Variants in FHIT observed in about 807,000 individuals in gnomAD.
The protein encoded by FHIT is fragile histidine triad diadenosine triphosphatase, also known as bis(5'-adenosyl)-triphosphatase.
Under a neutral mutation model 17.9 loss-of-function variants are expected in FHIT, and 19 were observed. The ratio of observed to expected loss-of-function variants is 1.06; its 90% CI spans 0.74 to 1.56. The LOEUF is 1.56. FHIT is among the 40% of genes most tolerant of loss of function. The pLI, the probability that FHIT is intolerant of heterozygous loss-of-function variation, is 0.00. For synonymous variants in FHIT, 81 were observed against 69.7 expected (o/e 1.16, Z -0.81); for missense variants, 248 against 189.2 (o/e 1.31, Z -1.82).
intron 8 of FHIT, among the ~76,000 whole-genome samples, chr3:59,798,897 G>C (rs923909971): frequency 1.7e-4 from 26 of 152,236 alleles, no homozygotes; most frequent in African/African-American, 6.3e-4. Flanking sequence ...AGAGGAAAGA[G>C]TCATCTCAGT....
chr3:59,867,902 G>A (rs1254924825), intron 8 of FHIT, among the ~76,000 whole-genome samples: 1 of 151,954 alleles, frequency 6.6e-6, no homozygotes, highest in Non-Finnish European at 1.5e-5. Context: ...TAGTTGAAGA[G>A]ACTGAGTCCA....
At chr3:59,995,278 C>G (rs932773062) in intron 7 of FHIT, among the ~76,000 whole-genome samples, 9 of 152,078 alleles carry the variant, frequency 5.9e-5, no homozygotes, top group Non-Finnish European at 7.4e-5. Flanking sequence ...CTATCTCCAA[C>G]TTAGCTCTCT....
chr3:60,923,463 C>A (rs1707395856), intron 3 of FHIT, among the ~76,000 whole-genome samples: 1 of 152,132 alleles, frequency 6.6e-6, no homozygotes, highest in Non-Finnish European at 1.5e-5. Flanking sequence ...GTGACCAGAA[C>A]CTTGTAAAGA....
At chr3:60,161,346 G>C (rs1018610524) in intron 5 of FHIT, among the ~76,000 whole-genome samples, 32 of 152,190 alleles carry the variant, frequency 2.1e-4, no homozygotes, top group African/African-American at 7.7e-4. Context: ...CATAGTCATG[G>C]CCAATCCTGA....
chr3:59,962,851 T>G (rs1162743334), intron 7 of FHIT, among the ~76,000 whole-genome samples: 1 of 152,210 alleles, frequency 6.6e-6, no homozygotes, highest in African/African-American at 2.4e-5. Context: ...ATAGAACAAC[T>G]GAATCCATCA....
intron 5 of FHIT, among the ~76,000 whole-genome samples, chr3:60,376,330 A>G (rs1347324627): frequency 6.6e-6 from 1 of 152,208 alleles, no homozygotes; most frequent in Admixed American, 6.5e-5. Flanking sequence ...AGATATTAAT[A>G]AGTTGGTTAA....
chr3:60,388,233 T>C (rs1434638757), intron 5 of FHIT, among the ~76,000 whole-genome samples: 4 of 152,088 alleles, frequency 2.6e-5, no homozygotes, highest in African/African-American at 4.8e-5. Context: ...AGCACACAAA[T>C]GGTATTGATA....
intron 5 of FHIT, among the ~76,000 whole-genome samples, chr3:60,461,272 C>T (rs1270694484): frequency 2.6e-5 from 4 of 152,232 alleles, no homozygotes; most frequent in Admixed American, 6.5e-5. Flanking sequence ...TCCAGCTCTA[C>T]AGTTCATAAC....
intron 4 of FHIT, among the ~76,000 whole-genome samples, chr3:60,685,198 A>T (rs2040834903): frequency 6.6e-6 from 1 of 152,084 alleles, no homozygotes; most frequent in South Asian, 2.1e-4. Flanking sequence ...TCAACTTTCA[A>T]CTCTGTCTTT....
intron 4 of FHIT, among the ~76,000 whole-genome samples, chr3:60,793,662 G>A (rs1553729278): frequency 6.7e-6 from 1 of 149,640 alleles, no homozygotes; most frequent in Admixed American, 6.6e-5. Flanking sequence ...AGCGTGGCAA[G>A]AAGTAGAACA....
intron 2 of FHIT, among the ~76,000 whole-genome samples, chr3:61,197,358 A>G (rs1431003744): frequency 6.6e-6 from 1 of 152,230 alleles, no homozygotes; most frequent in Non-Finnish European, 1.5e-5. Flanking sequence ...AGCAAATGGC[A>G]GAGCCAAAAC....
intron 4 of FHIT, among the ~76,000 whole-genome samples, chr3:60,569,732 T>TATATATATATATAC (rs2037288741): frequency 3.2e-5 from 1 of 31,736 alleles, no homozygotes; most frequent in East Asian, 1.4e-3. Flanking sequence ...ATACTATATA[T>TATATATATATATAC]ATATATATAT....
intron 4 of FHIT, among the ~76,000 whole-genome samples, chr3:60,542,675 A>G (rs1339782803): frequency 6.6e-6 from 1 of 152,084 alleles, no homozygotes; most frequent in African/African-American, 2.4e-5. Flanking sequence ...ATCATGGTCT[A>G]TTAAACACAA....
intron 5 of FHIT, among the ~76,000 whole-genome samples, chr3:60,106,589 C>T (rs1704424234): frequency 6.6e-6 from 1 of 152,130 alleles, no homozygotes; most frequent in African/African-American, 2.4e-5. Context: ...TTGATTGTAT[C>T]CCCTGTGGAT....
intron 5 of FHIT, among the ~76,000 whole-genome samples, chr3:60,413,106 G>C (rs1315099528): frequency 1.3e-5 from 2 of 152,118 alleles, no homozygotes; most frequent in Non-Finnish European, 2.9e-5. Flanking sequence ...CTAACTCTCA[G>C]ACATGTTGTT....
At chr3:60,292,152 C>G (rs1708012801) in intron 5 of FHIT, among the ~76,000 whole-genome samples, 1 of 152,062 alleles carries the variant, frequency 6.6e-6, no homozygotes, top group Admixed American at 6.6e-5. Context: ...CAAGGTAGGG[C>G]CCAGGTGGAA....
chr3:60,005,039 A>G (rs1359775926), intron 7 of FHIT, among the ~76,000 whole-genome samples: 3 of 152,148 alleles, frequency 2.0e-5, no homozygotes, highest in Non-Finnish European at 2.9e-5. Flanking sequence ...TGCACCTGGT[A>G]GGCGACAGCT....
At chr3:61,185,026 C>T (rs1196214726) in intron 2 of FHIT, among the ~76,000 whole-genome samples, 1 of 152,172 alleles carries the variant, frequency 6.6e-6, no homozygotes, top group Non-Finnish European at 1.5e-5. Flanking sequence ...ATCCAATCTT[C>T]ACTTTTGTGA....
intron 4 of FHIT, among the ~76,000 whole-genome samples, chr3:60,723,207 A>G (rs2041847106): frequency 6.6e-6 from 1 of 152,140 alleles, no homozygotes; most frequent in African/African-American, 2.4e-5. Flanking sequence ...GGCTTGTTGC[A>G]TATAATACAG....
Sources: allele counts gnomAD v4.1 joint callset (sites outside exome capture counted in the v4.1 genomes callset), GRCh38; gene constraint gnomAD v4.1.1; transcripts MANE v1.5; gene names NCBI Gene and HGNC (gene_info 2026-07-23, HGNC 2026-07-21).